SRRT: variants seen among roughly 807,000 people sequenced by gnomAD.
SRRT encodes serrate, RNA effector molecule.
In SRRT, 32 loss-of-function variants were observed where a neutral mutation model predicts 103.2. The observed-to-expected ratio is 0.31, with a 90% CI of 0.23 to 0.42. The LOEUF is 0.42. Ranked by LOEUF, SRRT falls within the 10% of genes least tolerant of loss-of-function variation. The probability of loss-of-function intolerance (pLI) is 1.00; values close to 1 mark genes in which losing one functional copy is unlikely to be tolerated. For missense variants in SRRT, 986 were observed against 1,207.5 expected (o/e 0.82, Z 2.72); for synonymous variants, 525 against 449.0 (o/e 1.17, Z -2.14).
intron 2 of SRRT, among the ~76,000 whole-genome samples, chr7:100,876,307 A>G (rs1257844266): frequency 6.6e-6 from 1 of 151,998 alleles, no homozygotes; most frequent in Non-Finnish European, 1.5e-5. Flanking sequence ...ACCTGCCACC[A>G]CGCCCGTCTA....
chr7:100,883,446 C>T (rs914679952), intron 5 of SRRT, among the ~76,000 whole-genome samples: 3 of 152,200 alleles, frequency 2.0e-5, no homozygotes, highest in African/African-American at 7.2e-5. Flanking sequence ...CCCTAACCTT[C>T]CAGCCCTCTC....
Position 100,888,301 on chromosome 7 carries a change from C to T in SRRT, c.2473C>T (p.Pro825Ser). The T allele has an allele frequency of 1.2e-6, 2 of 1,613,734 alleles. No individual in the cohort carries two copies. Among genetic ancestry groups the T allele is most frequent in the Non-Finnish European group, 8.5e-7 (1 of 1,179,694 alleles). Residue 825 changes from proline (P) to serine (S), a missense_variant, in exon 19 of 20, where the codon CCC (proline) becomes TCC (serine). Around this residue, in one of 6 missense-constraint regions of SRRT, gnomAD observed 178 missense variants for 189.6 expected, o/e 0.94. Transcript: ENST00000611405. ...PAVPTGGPPYPHAPYGAGRGN... is the reference protein window; with the variant it reads ...PAVPTGGPPYSHAPYGAGRGN... ...AGTCCCCACAGGAGGCCCTCCATAC[C>T]CCCATGCCCCGTATGGTGCTGGTCG...
At chr7:100,888,427 C>G (rs763478287) in intron 19 of SRRT, 44 bp downstream of exon 19, 2 of 1,612,966 alleles carry the variant, frequency 1.2e-6, no homozygotes, top group South Asian at 2.2e-5. Context: ...CCTGCAGACT[C>G]CCTTTTGGGA....
rs772421900 is a variant in SRRT, at chr7:100,888,141, G to T, written c.2426G>T (p.Gly809Val). The change falls in exon 18 of 20, where the codon GGA becomes GTA. Residue 809 changes from glycine (G) to valine (V), a missense_variant and splice_region_variant. Gly to Val is a moderately radical substitution (Grantham distance 109). This residue lies in a region of SRRT where 178 missense variants were observed against 189.6 expected (regional missense o/e 0.94). Transcript: ENST00000611405. Reference protein sequence around the residue: ...GQPRPPILGYGAGAVRPAVPT... With the variant: ...GQPRPPILGYVAGAVRPAVPT... The stretch of plus-strand genomic sequence containing the variant: ...CCCCGGCCCCCGATCTTGGGCTATG[G>T]AGGTAAGTACAGGAGGGAGATGAAG... The T allele has an allele frequency of 1.9e-6, 3 of 1,610,552 alleles. No homozygotes were observed. In the South Asian group the frequency reaches 3.3e-5, roughly 18 times the overall value.
At position 100,888,541 on chromosome 7, in the gene SRRT, T is replaced by A. The variant is rs776439184; in HGVS notation, c.2623T>A (p.Phe875Ile). The A allele has an allele frequency of 1.2e-6, 2 of 1,614,158 alleles. No homozygotes were observed. Among genetic ancestry groups the A allele is most frequent in the Non-Finnish European group, 1.7e-6 (2 of 1,180,030 alleles). ...RDLDAPDDVDFF is the reference protein window; with the variant it reads ...RDLDAPDDVDIF ...CCTGGATGCCCCAGACGATGTTGATTTCTTTTGAGCCGTCCCCCGTTCCTC... is the reference window on the plus strand; with the variant it reads ...CCTGGATGCCCCAGACGATGTTGATATCTTTTGAGCCGTCCCCCGTTCCTC... Residue 875 changes from phenylalanine to isoleucine, a missense_variant, in exon 20 of 20, where the codon TTC (phenylalanine) becomes ATC (isoleucine). By Grantham distance (21) the Phe-to-Ile change is conservative. This residue lies in a region of SRRT where 178 missense variants were observed against 189.6 expected (regional missense o/e 0.94). Coordinates refer to ENST00000611405, the MANE Select transcript of SRRT (RefSeq NM_015908.6).
intron 2 of SRRT, among the ~76,000 whole-genome samples, chr7:100,879,211 C>T (rs965527487): frequency 6.6e-6 from 1 of 152,150 alleles, no homozygotes; most frequent in African/African-American, 2.4e-5. Flanking sequence ...CTGCCTTGGC[C>T]TCCCAAAGTG....
rs372466447 is a variant in SRRT, at chr7:100,886,292, C to T, written c.1504C>T (p.Arg502Trp). The T allele has an allele frequency of 1.4e-5, 23 of 1,613,028 alleles. No individual in the cohort carries two copies. Among genetic ancestry groups the T allele is most frequent in the South Asian group, 2.2e-5 (2 of 91,042 alleles). Reference sequence around the variant, plus strand: ...CCCTGGTGTGAACAGGGACCTGACCCGGCGCGTTCGCAACATCAACGGCAT... The same window carrying T: ...CCCTGGTGTGAACAGGGACCTGACCTGGCGCGTTCGCAACATCAACGGCAT... ...LSPGVNRDLT[R>W]RVRNINGITQ... Residue 502 changes from arginine to tryptophan, a missense_variant, in exon 13 of 20, where the codon CGG becomes TGG. Physicochemically the swap from Arg to Trp is moderately radical, Grantham distance 101. Coordinates refer to ENST00000611405, the MANE Select transcript of SRRT (RefSeq NM_015908.6).
At position 100,886,140 on chromosome 7, in the gene SRRT, C is replaced by G. The variant is rs550706424; in HGVS notation, c.1459-107C>G. On this transcript the variant is annotated intron_variant, in intron 12 of 19. Transcript: ENST00000611405. Reference sequence around the variant, plus strand: ...ATGTGGTCCCCGTCCCCAGGGAGCTCGCAGTCTGATCAATCGCTGGTGCTC... The same window carrying G: ...ATGTGGTCCCCGTCCCCAGGGAGCTGGCAGTCTGATCAATCGCTGGTGCTC... 1.1e-4 allele frequency: 149 copies of G among 1,368,656 alleles called. 1 individual carries two copies. The East Asian group carries it at 3.3e-3, about 31-fold the overall frequency. 84.8% of individuals were successfully genotyped at this position (1,368,656 alleles called of 1,614,324 possible).
In SRRT at chr7:100,884,354, C is replaced by T; in HGVS notation, c.758-14C>T. 1 of 1,612,866 alleles carries T rather than the reference C, an allele frequency of 6.2e-7. No homozygotes were observed. Among genetic ancestry groups the T allele is most frequent in the Non-Finnish European group, 8.5e-7 (1 of 1,179,682 alleles). On this transcript the variant is annotated splice_polypyrimidine_tract_variant and intron_variant, in intron 6 of 19. Transcript: ENST00000611405. ...GGGCCCTGGGGTCATGACCTCTGTT[C>T]CCTTTGTTGGTAGCCGTGATTAAGA...
rs1790035807 is a variant in SRRT, at chr7:100,885,804, G to A, written c.1379+42G>A. ...GTTGGAGGGAAAAGTGCAGGGGAAC[G>A]TTAATGGCCAACACCAACTCCCTCG... On this transcript the variant is annotated intron_variant, in intron 11 of 19. Coordinates refer to ENST00000611405, the MANE Select transcript of SRRT (RefSeq NM_015908.6). This position sits in a 1 kb window ranked among gnomAD's most constrained non-coding sequence, Gnocchi z 4.8. The A allele has an allele frequency of 1.2e-6, 2 of 1,613,774 alleles. No individual in the cohort carries two copies. Among genetic ancestry groups the A allele is most frequent in the South Asian group, 1.1e-5 (1 of 91,074 alleles).
In SRRT at chr7:100,887,429, G is replaced by C; in HGVS notation, c.2085G>C (p.Gln695His). Residue 695 changes from glutamine (Q) to histidine (H), a missense_variant, in exon 16 of 20, where the codon CAG (glutamine) becomes CAC (histidine). By Grantham distance (24) the Gln-to-His change is conservative. Transcript: ENST00000611405. This position sits in a 1 kb window ranked among gnomAD's most constrained non-coding sequence, Gnocchi z 4.1. Reference sequence around the variant, plus strand: ...AGATGGGGCGCAAAGACCCAGAGCAGGAAGTGGAGAAGTTCGTCACCTCCA... The same window carrying C: ...AGATGGGGCGCAAAGACCCAGAGCACGAAGTGGAGAAGTTCGTCACCTCCA... ...AQKMGRKDPE[Q>H]EVEKFVTSNT... 1 of 1,614,244 alleles carries C rather than the reference G, an allele frequency of 6.2e-7. No individual in the cohort carries two copies. Among genetic ancestry groups the C allele is most frequent in the Non-Finnish European group, 8.5e-7 (1 of 1,180,052 alleles).
chr7:100,886,421 C>T lies in SRRT; in HGVS notation c.1633C>T (p.Pro545Ser), dbSNP rs777023963. 7.4e-6 allele frequency: 12 copies of T among 1,612,200 alleles called. No homozygotes were observed. In the Admixed American group the frequency reaches 2.0e-4, roughly 27 times the overall value. The change falls in exon 13 of 20, where the codon CCT becomes TCT. Residue 545 changes from proline to serine, a missense_variant. Transcript: ENST00000611405. ...GCTTTGGGCCTCAGAACCAGGGACG[C>T]CTCCCCTGCCCACGGTCAGTGACTC... ...TQLWASEPGTPPLPTSLPSQN... is the reference protein window; with the variant it reads ...TQLWASEPGTSPLPTSLPSQN...
chr7:100,886,668 G>A (rs544461618), intron 13 of SRRT, 127 bp from the exon 14 acceptor site: 4 of 1,137,056 alleles, frequency 3.5e-6, no homozygotes, highest in East Asian at 5.1e-5. Context: ...AAATCTCAAG[G>A]GGGCAAAAGG....
At position 100,887,966 on chromosome 7, in the gene SRRT, G is replaced by GC; in HGVS notation, c.2327-74dup. The stretch of plus-strand genomic sequence containing the variant: ...CGAGAAGTTTCTGCCCCATCCTCAG[G>GC]CCATAGCCCTAGAAGTCAATTGTAC... On this transcript the variant is annotated intron_variant, in intron 17 of 19. Transcript: ENST00000611405. This position sits in a 1 kb window ranked among gnomAD's most constrained non-coding sequence, Gnocchi z 4.1. 6.5e-7 allele frequency: 1 copy of GC among 1,532,266 alleles called. No homozygotes were observed. The highest frequency in any genetic ancestry group is 8.8e-7 in the Non-Finnish European group (1 of 1,138,998). The allele number at this position is 1,532,266 out of a possible 1,614,324, so 94.9% of individuals were successfully genotyped here. A position where few individuals can be genotyped will look rare whatever the true frequency, so the allele number is the denominator to read the frequency against.
rs774373595 is a variant in SRRT at position 100,887,352 on chromosome 7, C to T, written c.2008C>T (p.Leu670Phe). ...LEWQKTFEEK[L>F]TPLLSVRESL... is the part of the protein sequence containing the mutation. Reference sequence around the variant, plus strand: ...GTGGCAGAAGACTTTTGAGGAGAAGCTCACGCCGTTGCTGAGTGTGCGGGA... The same window carrying T: ...GTGGCAGAAGACTTTTGAGGAGAAGTTCACGCCGTTGCTGAGTGTGCGGGA... Residue 670 changes from leucine (L) to phenylalanine (F), a missense_variant, in exon 16 of 20, where the codon CTC becomes TTC. Leu to Phe is a conservative substitution (Grantham distance 22). Coordinates refer to ENST00000611405, the MANE Select transcript of SRRT (RefSeq NM_015908.6). The surrounding 1 kb of genome is among the most constrained non-coding windows in gnomAD (Gnocchi z 4.1). 1.2e-6 allele frequency: 2 copies of T among 1,614,166 alleles called. No homozygotes were observed. The highest frequency in any genetic ancestry group is 1.1e-5 in the South Asian group (1 of 91,080).
intron 4 of SRRT, 105 bp downstream of exon 4, chr7:100,881,910 T>C: frequency 1.3e-6 from 2 of 1,484,998 alleles, no homozygotes; most frequent in East Asian, 2.3e-5. Context: ...CACAGAGGCA[T>C]GTCCCTGGGG....
At chr7:100,875,839 T>G (rs1815632931) in intron 2 of SRRT, 127 bp downstream of exon 2, 10 of 1,251,056 alleles carry the variant, frequency 8.0e-6, no homozygotes, top group Non-Finnish European at 1.1e-5. Flanking sequence ...TGGACCGTTT[T>G]CTGTGGTTCA....
At chr7:100,886,125 C>G in intron 12 of SRRT, 122 bp from the exon 13 acceptor site, 1 of 1,294,038 alleles carries the variant, frequency 7.7e-7, no homozygotes, top group Non-Finnish European at 1.1e-6. Context: ...ATGTGGTCCC[C>G]GTCCCCAGGG....
Position 100,886,297 on chromosome 7 carries a change from C to T in SRRT, c.1509C>T (p.Arg503=), listed in dbSNP as rs1209327612. The change falls in exon 13 of 20, where the codon CGC becomes CGT. Residue 503 remains arginine (R), a synonymous_variant. Coordinates refer to ENST00000611405, the MANE Select transcript of SRRT (RefSeq NM_015908.6). ...GTGTGAACAGGGACCTGACCCGGCG[C>T]GTTCGCAACATCAACGGCATCACCC... The part of the protein sequence containing the change: ...SPGVNRDLTR[R]VRNINGITQH... 9 of 1,613,370 alleles carry T rather than the reference C, an allele frequency of 5.6e-6. No individual in the cohort carries two copies. Among genetic ancestry groups the T allele is most frequent in the South Asian group, 4.4e-5 (4 of 91,046 alleles).
Sources: gnomAD v4.1 joint callset for allele counts (sites outside exome capture counted in the v4.1 genomes callset) on GRCh38, gnomAD v4.1.1 for gene constraint, gnomAD v4.1.1 regional missense constraint, Gnocchi (gnomAD v3.1) non-coding constraint, MANE v1.5 for transcripts, NCBI Gene and HGNC (gene_info 2026-07-23, HGNC 2026-07-21) for gene names.